MARK1: variants seen among roughly 807,000 people sequenced by gnomAD.
MARK1 encodes the protein serine/threonine-protein kinase MARK1.
Under a neutral mutation model 96.3 loss-of-function variants are expected in MARK1, and 40 were observed. The observed-to-expected ratio is 0.42, with a 90% CI of 0.32 to 0.54. MARK1 has a LOEUF of 0.54. Among genes scored for constraint, MARK1 ranks in the 20% least tolerant of loss-of-function variants. MARK1 has a pLI of 0.16. For missense variants in MARK1, 719 were observed against 984.6 expected, an observed-to-expected ratio of 0.73 and a Z score of 3.61; for synonymous variants, 317 against 341.2, an observed-to-expected ratio of 0.93 and a Z score of 0.78.
chr1:220,576,983 A>G (rs905651475), intron 1 of MARK1, among the ~76,000 whole-genome samples: 1 of 152,140 alleles, frequency 6.6e-6, no homozygotes, highest in African/African-American at 2.4e-5. Context: ...GAATGGCCAG[A>G]TGCGGTGGCT....
intron 13 of MARK1, among the ~76,000 whole-genome samples, chr1:220,646,524 T>C (rs1157520633): frequency 2.6e-5 from 4 of 152,102 alleles, no homozygotes; most frequent in Non-Finnish European, 5.9e-5. Flanking sequence ...TAAACCACCA[T>C]TGACATTCTT....
chr1:220,562,614 C>T (rs1662751205), intron 1 of MARK1, among the ~76,000 whole-genome samples: 1 of 152,166 alleles, frequency 6.6e-6, no homozygotes, highest in Admixed American at 6.5e-5. Context: ...CCACCTCCCT[C>T]AACCCAGTAA....
chr1:220,529,296 A>C (rs1357679242), intron 1 of MARK1, among the ~76,000 whole-genome samples: 1 of 152,026 alleles, frequency 6.6e-6, no homozygotes, highest in South Asian at 2.1e-4. Flanking sequence ...GGATCTTTCA[A>C]TCCTTTGCAC....
At chr1:220,648,963 C>A (rs1255716514) in intron 13 of MARK1, among the ~76,000 whole-genome samples, 1 of 152,032 alleles carries the variant, frequency 6.6e-6, no homozygotes. Flanking sequence ...TTTAAGTGTT[C>A]AAAAATTAGG....
At chr1:220,653,505 G>A (rs1669002738) in intron 16 of MARK1, among the ~76,000 whole-genome samples, 153 bp downstream of exon 16, 1 of 151,982 alleles carries the variant, frequency 6.6e-6, no homozygotes, top group Non-Finnish European at 1.5e-5. Context: ...AAAAATCTAG[G>A]AAGACATAAA....
At chr1:220,534,461 C>T (rs552657078) in intron 1 of MARK1, among the ~76,000 whole-genome samples, 1 of 152,196 alleles carries the variant, frequency 6.6e-6, no homozygotes, top group East Asian at 1.9e-4. Context: ...CCCTTTCTAG[C>T]CTTTGTTAAC....
intron 1 of MARK1, among the ~76,000 whole-genome samples, chr1:220,531,158 T>A (rs996770573): frequency 6.6e-6 from 1 of 152,224 alleles, no homozygotes; most frequent in East Asian, 1.9e-4. Flanking sequence ...TGACTCTCTT[T>A]ATTCTCTAGT....
chr1:220,542,114 T>G (rs1007984053), intron 1 of MARK1, among the ~76,000 whole-genome samples: 2 of 152,206 alleles, frequency 1.3e-5, no homozygotes, highest in Non-Finnish European at 2.9e-5. Flanking sequence ...CCCCATCTGT[T>G]GAATTTTTAA....
At chr1:220,615,634 A>T (rs1666699888) in intron 6 of MARK1, among the ~76,000 whole-genome samples, 2 of 152,166 alleles carry the variant, frequency 1.3e-5, no homozygotes, top group Admixed American at 1.3e-4. Flanking sequence ...CAAAACTATA[A>T]ATTGTACACA....
chr1:220,642,945 C>T (rs973522548), intron 13 of MARK1, among the ~76,000 whole-genome samples: 2 of 152,164 alleles, frequency 1.3e-5, no homozygotes, highest in Admixed American at 1.3e-4. Flanking sequence ...AAAACCCCAT[C>T]CAAAGGTCAA....
At chr1:220,634,817 C>G (rs1300058786) in intron 11 of MARK1, among the ~76,000 whole-genome samples, 1 of 151,362 alleles carries the variant, frequency 6.6e-6, no homozygotes, top group Non-Finnish European at 1.5e-5. Context: ...ATTTCCTGAT[C>G]AGAAACAGTA....
chr1:220,649,591 T>C (rs1357747422), intron 13 of MARK1, among the ~76,000 whole-genome samples: 2 of 152,210 alleles, frequency 1.3e-5, no homozygotes, highest in East Asian at 3.8e-4. Flanking sequence ...ACCATACTTT[T>C]ATAGTTTTTA....
intron 17 of MARK1, 146 bp downstream of exon 17, chr1:220,657,980 CATA>C (rs1432639603): frequency 1.9e-6 from 1 of 521,048 alleles, no homozygotes; most frequent in Non-Finnish European, 3.1e-6. Flanking sequence ...GGTGGGTTTT[CATA>C]ATGTTACCTA....
intron 9 of MARK1, among the ~76,000 whole-genome samples, chr1:220,630,418 T>C (rs1667624629): frequency 1.3e-5 from 2 of 152,198 alleles, no homozygotes; most frequent in African/African-American, 2.4e-5. Flanking sequence ...AGGTTGCCTT[T>C]TAACAGCCCA....
chr1:220,535,404 G>C (rs960628284), intron 1 of MARK1, among the ~76,000 whole-genome samples: 23 of 151,918 alleles, frequency 1.5e-4, no homozygotes, highest in African/African-American at 5.6e-4. Flanking sequence ...CAACTCCTTT[G>C]CACATTTAAA....
intron 1 of MARK1, among the ~76,000 whole-genome samples, chr1:220,562,617 C>T (rs1022783971): frequency 8.5e-5 from 13 of 152,152 alleles, no homozygotes; most frequent in African/African-American, 3.1e-4. Flanking sequence ...CCTCCCTCAA[C>T]CCAGTAACAT....
At chr1:220,611,303 G>A (rs111927735) in intron 6 of MARK1, among the ~76,000 whole-genome samples, 41 of 152,232 alleles carry the variant, frequency 2.7e-4, no homozygotes, top group African/African-American at 9.2e-4. Flanking sequence ...CCCCCAGCCA[G>A]GCTGCTGCCT....
chr1:220,548,014 A>C (rs897661388), intron 1 of MARK1, among the ~76,000 whole-genome samples: 1 of 152,270 alleles, frequency 6.6e-6, no homozygotes, highest in Non-Finnish European at 1.5e-5. Flanking sequence ...AAACAGCAAG[A>C]GTATGTCAAC....
At chr1:220,598,690 A>C (rs941853911) in intron 4 of MARK1, among the ~76,000 whole-genome samples, 1 of 151,872 alleles carries the variant, frequency 6.6e-6, no homozygotes, top group Admixed American at 6.6e-5. Context: ...ATGTTTCTAA[A>C]TTTAAAAAAA....
Sources: gnomAD v4.1 joint callset for allele counts (sites outside exome capture counted in the v4.1 genomes callset) on GRCh38, gnomAD v4.1.1 for gene constraint, MANE v1.5 for transcripts, NCBI Gene and HGNC (gene_info 2026-07-23, HGNC 2026-07-21) for gene names.